Variants in GNG7 observed in about 807,000 individuals in gnomAD.
The protein encoded by GNG7 is guanine nucleotide-binding protein G(I)/G(S)/G(O) subunit gamma-7.
A neutral mutation model predicts 4.0 loss-of-function variants in GNG7; 1 was observed. That is an observed-to-expected ratio of 0.25 (90% CI 0.09 to 1.18). The LOEUF is 1.18. GNG7 is among the 50% of genes most tolerant of loss of function. The pLI is 0.50. For synonymous variants in GNG7, 34 were observed against 36.9 expected (o/e 0.92, Z 0.29); for missense variants, 86 against 91.9 (o/e 0.94, Z 0.26).
At chr19:2,645,564 T>G (rs1273238706) in intron 2 of GNG7, among the ~76,000 whole-genome samples, 1 of 151,350 alleles carries the variant, frequency 6.6e-6, no homozygotes, top group Non-Finnish European at 1.5e-5. Flanking sequence ...AAAAAAAAAT[T>G]TTGTTTTAAG....
In GNG7 at chr19:2,666,713, C is replaced by T. The variant is rs564680240; in HGVS notation, c.-134-20433G>A. Among the ~76,000 whole-genome samples, 19 of 152,326 alleles carry T rather than the reference C, an allele frequency of 1.2e-4. 1 individual carries two copies. The highest frequency in any genetic ancestry group is 4.6e-4 in the Admixed American group (7 of 15,296). ...CTTACGGAACATATGTTCTCTGTTG[C>T]AGCTACACAGTTCTGCTGTTGTATT... On this transcript the variant is annotated intron_variant, in intron 1 of 4. Transcript: ENST00000382159.
chr19:2,589,680 C>T (rs375637351), intron 2 of GNG7, among the ~76,000 whole-genome samples: 1 of 152,028 alleles, frequency 6.6e-6, no homozygotes, highest in Non-Finnish European at 1.5e-5. Context: ...TTAGGCCCTG[C>T]GCGTAGGGGG....
chr19:2,569,283 CTTTT>C, intron 2 of GNG7, among the ~76,000 whole-genome samples: 1 of 151,026 alleles, frequency 6.6e-6, no homozygotes, highest in East Asian at 2.0e-4. Flanking sequence ...CTCTCTCTTT[CTTTT>C]TTTTGTGAGA....
At position 2,617,716 on chromosome 19, in the gene GNG7, C is replaced by CT. The variant is rs1245192637; in HGVS notation, c.-78+28507dup. On this transcript the variant is annotated intron_variant, in intron 2 of 4. Coordinates refer to ENST00000382159, the MANE Select transcript of GNG7 (RefSeq NM_052847.3). The surrounding 1 kb of genome is among the most constrained non-coding windows in gnomAD (Gnocchi z 4.7). Reference sequence around the variant, plus strand: ...CCACCTCATCCTATTTTGTCTTTTCCTTTTTATTTTTTTTTTTTTTGAGAT... The same window carrying CT: ...CCACCTCATCCTATTTTGTCTTTTCCTTTTTTATTTTTTTTTTTTTTGAGAT... Among the ~76,000 whole-genome samples the CT allele has an allele frequency of 1.3e-5, 2 of 149,000 alleles. No homozygotes were observed. The highest frequency in any genetic ancestry group is 5.2e-5 in the African/African-American group (2 of 38,746).
At chr19:2,522,655 G>A (rs945974828) in intron 3 of GNG7, among the ~76,000 whole-genome samples, 4 of 148,054 alleles carry the variant, frequency 2.7e-5, no homozygotes, top group African/African-American at 7.4e-5. Flanking sequence ...GGGAGGCTGA[G>A]GCAGGAGAAT....
At position 2,630,021 on chromosome 19, in the gene GNG7, G is replaced by T. The variant is rs73919820; in HGVS notation, c.-78+16203C>A. 5.1e-3 allele frequency among the ~76,000 whole-genome samples: 747 copies of T among 145,116 alleles called. 6 individuals carry two copies. The highest frequency in any genetic ancestry group is 0.017 in the African/African-American group (696 of 40,116). ...CTGTAATGATTTCAAAATAAAGGTT[G>T]TTTTTTTTTTTTAATAAGTGGAGAC... is the stretch of plus-strand genomic sequence containing the variant. On this transcript the variant is annotated intron_variant, in intron 2 of 4. Coordinates refer to ENST00000382159, the MANE Select transcript of GNG7 (RefSeq NM_052847.3).
At chr19:2,527,243 C>T (rs996150387) in intron 3 of GNG7, among the ~76,000 whole-genome samples, 2 of 152,212 alleles carry the variant, frequency 1.3e-5, no homozygotes, top group South Asian at 2.1e-4. Flanking sequence ...TCCAGGGCGA[C>T]GTCACCTGTG....
At chr19:2,666,345 G>A (rs141122581) in intron 1 of GNG7, among the ~76,000 whole-genome samples, 2,285 of 152,030 alleles carry the variant, frequency 0.015, 59 homozygotes, top group African/African-American at 0.053. Flanking sequence ...GCTAATTTCT[G>A]TATTTTTAGT....
chr19:2,565,730 C>T (rs1158566304), intron 2 of GNG7, among the ~76,000 whole-genome samples: 1 of 152,164 alleles, frequency 6.6e-6, no homozygotes, highest in African/African-American at 2.4e-5. Flanking sequence ...AGTTGAGACT[C>T]CAGGTGACAG....
intron 3 of GNG7, among the ~76,000 whole-genome samples, chr19:2,526,576 C>G (rs1315102389): frequency 6.7e-6 from 1 of 148,842 alleles, no homozygotes; most frequent in African/African-American, 2.4e-5. Flanking sequence ...GATTCATTCA[C>G]TATATATTCA....
chr19:2,553,255 G>A lies in GNG7; in HGVS notation c.-38+1894C>T, dbSNP rs116873637. 2.8e-3 allele frequency among the ~76,000 whole-genome samples: 422 copies of A among 151,504 alleles called. 7 individuals carry two copies. The East Asian group carries it at 0.047, about 17-fold the overall frequency. ...ACACGGTAGCATTATGAACCAGTGT[G>A]TGACATCCAATTAGGTAATCTACAC... On this transcript the variant is annotated intron_variant, in intron 3 of 4. Coordinates refer to ENST00000382159, the MANE Select transcript of GNG7 (RefSeq NM_052847.3).
intron 2 of GNG7, among the ~76,000 whole-genome samples, chr19:2,573,269 C>A (rs568019071): frequency 6.6e-6 from 1 of 151,672 alleles, no homozygotes; most frequent in Non-Finnish European, 1.5e-5. Flanking sequence ...GTGATCCGCC[C>A]GCCTCAGCCT....
chr19:2,645,243 CT>C (rs10674864), intron 2 of GNG7, among the ~76,000 whole-genome samples: 4,185 of 135,416 alleles, frequency 0.031, 205 homozygotes, highest in African/African-American at 0.11. Flanking sequence ...CTCTCTCTCT[CT>C]TTTTTTTTTT....
intron 2 of GNG7, among the ~76,000 whole-genome samples, chr19:2,638,470 GGGGAA>G (rs1982384777): frequency 3.7e-5 from 1 of 27,322 alleles, no homozygotes; most frequent in Admixed American, 2.7e-4. Context: ...GGAAAGGGGA[GGGGAA>G]GGGGAGGGGA....
intron 2 of GNG7, among the ~76,000 whole-genome samples, chr19:2,570,000 G>A (rs1271987409): frequency 3.9e-5 from 6 of 152,134 alleles, no homozygotes; most frequent in Admixed American, 6.6e-5. Flanking sequence ...ACTGAAATGC[G>A]ACCCCCTATG....
At chr19:2,592,091 C>G (rs987525864) in intron 2 of GNG7, among the ~76,000 whole-genome samples, 2 of 152,072 alleles carry the variant, frequency 1.3e-5, no homozygotes, top group African/African-American at 4.8e-5. Context: ...AGGAATTTAC[C>G]TCCTGAGATA....
At chr19:2,672,697 C>A (rs531128790) in intron 1 of GNG7, among the ~76,000 whole-genome samples, 42 of 152,170 alleles carry the variant, frequency 2.8e-4, no homozygotes, top group Admixed American at 1.0e-3. Context: ...TTGCCCGCCT[C>A]GACCTCCCAA....
chr19:2,678,138 C>T (rs924685749), intron 1 of GNG7, among the ~76,000 whole-genome samples: 1 of 152,232 alleles, frequency 6.6e-6, no homozygotes, highest in African/African-American at 2.4e-5. Flanking sequence ...AGACCTTCCA[C>T]TGTGGCCCTG....
At chr19:2,661,327 A>G (rs577753834) in intron 1 of GNG7, among the ~76,000 whole-genome samples, 1 of 146,510 alleles carries the variant, frequency 6.8e-6, no homozygotes, top group Non-Finnish European at 1.5e-5. Context: ...AAAGAAAGAA[A>G]GAAAGAAAGA....
Sources: allele counts gnomAD v4.1 joint callset (sites outside exome capture counted in the v4.1 genomes callset), GRCh38; gene constraint gnomAD v4.1.1; non-coding constraint Gnocchi (gnomAD v3.1); transcripts MANE v1.5; gene names NCBI Gene and HGNC (gene_info 2026-07-23, HGNC 2026-07-21).